The following KCTD15 variants were observed in gnomAD, a reference collection of about 807,000 sequenced individuals.
The protein encoded by KCTD15 is BTB/POZ domain-containing protein KCTD15.
In KCTD15, 11 loss-of-function variants were observed where a neutral mutation model predicts 27.2. That is an observed-to-expected ratio of 0.41 (90% CI 0.25 to 0.67). The LOEUF (loss-of-function observed/expected upper bound fraction) is 0.67, where lower values mean the gene tolerates loss of function less well. Ranked by LOEUF, KCTD15 falls within the 30% of genes least tolerant of loss-of-function variation. KCTD15 has a pLI of 0.35. For synonymous variants in KCTD15, 163 were observed against 176.0 expected, an observed-to-expected ratio of 0.93 and a Z score of 0.58; for missense variants, 350 against 409.3, an observed-to-expected ratio of 0.86 and a Z score of 1.25.
chr19:33,798,794 A>G (rs912628634), intron 2 of KCTD15, 28 bp downstream of exon 2: 1 of 152,616 alleles, frequency 6.6e-6, no homozygotes, highest in Non-Finnish European at 1.5e-5. Context: ...CATGAACATC[A>G]GGTTGTTCTT....
intron 5 of KCTD15, among the ~76,000 whole-genome samples, chr19:33,807,715 G>A (rs8104394): frequency 0.16 from 23,992 of 151,932 alleles, 2,066 homozygotes; most frequent in African/African-American, 0.22. Context: ...GCAAGACTCC[G>A]TCTCAAAAAA....
intron 5 of KCTD15, among the ~76,000 whole-genome samples, chr19:33,808,889 CT>C (rs750728069): frequency 1.3e-5 from 2 of 152,132 alleles, no homozygotes; most frequent in Non-Finnish European, 2.9e-5. Context: ...CATCCCAGCA[CT>C]TTGGGAGGCC....
At chr19:33,811,760 G>C (rs759493719) in intron 6 of KCTD15, 1 of 1,574,622 alleles carries the variant, frequency 6.4e-7, no homozygotes, top group Non-Finnish European at 8.7e-7. Flanking sequence ...TAAAAAAATC[G>C]ATCTGTACTT....
chr19:33,806,408 G>A (rs1478304705), intron 4 of KCTD15, among the ~76,000 whole-genome samples: 1 of 152,324 alleles, frequency 6.6e-6, no homozygotes, highest in South Asian at 2.1e-4. Flanking sequence ...TGGGGAGGAT[G>A]TATGTCCTGG....
At position 33,815,210 on chromosome 19, in the gene KCTD15, A is replaced by G. The variant is rs928321017; in HGVS notation, c.*2262A>G. The G allele has an allele frequency of 1.3e-5, 2 of 152,162 alleles. No individual in the cohort carries two copies. The highest frequency in any genetic ancestry group is 4.8e-5 in the African/African-American group (2 of 41,426). The allele number at this position is 152,162 out of a possible 1,614,324, so 9.4% of individuals were successfully genotyped here. ...ATAAAATTTATTAATAAAGAAGGGG[A>G]AAAAGGAGTAACTCTACCTGACTAA... is the stretch of plus-strand genomic sequence containing the variant. On this transcript the variant is annotated 3_prime_UTR_variant, in exon 7 of 7. Coordinates refer to ENST00000683859, the MANE Select transcript of KCTD15 (RefSeq NM_001129994.2).
intron 2 of KCTD15, chr19:33,799,642 G>A (rs1975464267): frequency 6.6e-6 from 1 of 152,324 alleles, no homozygotes; most frequent in Non-Finnish European, 1.5e-5. Context: ...GGGAGGAGCA[G>A]TAGAAAGGGT....
At chr19:33,804,388 G>C (rs868118908) in intron 4 of KCTD15, among the ~76,000 whole-genome samples, 2 of 152,198 alleles carry the variant, frequency 1.3e-5, no homozygotes, top group South Asian at 4.1e-4. Flanking sequence ...TAGACCAACA[G>C]GACCAGCTAG....
At chr19:33,797,491 T>C in intron 1 of KCTD15, 5 of 408,168 alleles carry the variant, frequency 1.2e-5, no homozygotes, top group South Asian at 8.4e-5. Context: ...ACCCCACGAG[T>C]CCGAAACCTG....
chr19:33,794,237 C>T (rs943667743), upstream of KCTD15, among the ~76,000 whole-genome samples: 1 of 152,114 alleles, frequency 6.6e-6, no homozygotes, highest in Non-Finnish European at 1.5e-5. Flanking sequence ...AATCTCATGG[C>T]CTTGAGGCAA....
intron 5 of KCTD15, 68 bp from the exon 6 acceptor site, chr19:33,811,179 C>A (rs1044202042): frequency 2.5e-6 from 2 of 796,676 alleles, no homozygotes; most frequent in Non-Finnish European, 1.9e-6. Context: ...AGGCCGCCTC[C>A]CCTCTCCCCC....
At chr19:33,802,289 T>C (rs1975583777) in intron 4 of KCTD15, among the ~76,000 whole-genome samples, 1 of 152,208 alleles carries the variant, frequency 6.6e-6, no homozygotes, top group Non-Finnish European at 1.5e-5. Context: ...ATCACCCCTG[T>C]GTTATGCATT....
chr19:33,814,197 C>T lies in KCTD15; in HGVS notation c.*1249C>T, dbSNP rs1454578580. ...TACAATTGTCGTGCATTTGTGTGAA[C>T]ACATTGCGTTCCCAGTCCATGCCAT... is the stretch of plus-strand genomic sequence containing the variant. On this transcript the variant is annotated 3_prime_UTR_variant, in exon 7 of 7. Transcript: ENST00000683859. The T allele has an allele frequency of 6.6e-6, 1 of 152,646 alleles. No homozygotes were observed. Among genetic ancestry groups the T allele is most frequent in the Non-Finnish European group, 1.5e-5 (1 of 68,048 alleles). 9.5% of individuals were successfully genotyped at this position (152,646 alleles called of 1,614,324 possible).
chr19:33,800,489 C>T lies in KCTD15; in HGVS notation c.35C>T (p.Ser12Leu), dbSNP rs774560706. 20 of 1,604,920 alleles carry T rather than the reference C, an allele frequency of 1.2e-5. No individual in the cohort carries two copies. In the South Asian group the frequency reaches 1.4e-4, roughly 11 times the overall value. Residue 12 changes from serine to leucine, a missense_variant, in exon 3 of 7, where the codon TCG becomes TTG. This residue lies in a region of KCTD15 where 77 missense variants were observed against 72.7 expected (regional missense o/e 1.06). Coordinates refer to ENST00000683859, the MANE Select transcript of KCTD15 (RefSeq NM_001129994.2). ...CGCAAGGAGCGGCCGAGCGGGTCCT[C>T]GCTTCACACACACGGCAGCACCGGC... ...PHRKERPSGSSLHTHGSTGTA... is the reference protein window; with the variant it reads ...PHRKERPSGSLLHTHGSTGTA...
At chr19:33,809,201 C>T (rs1233204030) in intron 5 of KCTD15, among the ~76,000 whole-genome samples, 1 of 151,922 alleles carries the variant, frequency 6.6e-6, no homozygotes, top group Non-Finnish European at 1.5e-5. Flanking sequence ...TGCTTGAACC[C>T]AGGAGGTGGA....
chr19:33,797,369 C>T (rs1254898268), intron 1 of KCTD15: 5 of 454,316 alleles, frequency 1.1e-5, no homozygotes, highest in South Asian at 1.6e-5. Flanking sequence ...GGCGAGTTTC[C>T]GGGGTCAGAA....
At position 33,813,010 on chromosome 19, in the gene KCTD15, G is replaced by C. The variant is rs1301621538; in HGVS notation, c.*62G>C. The C allele has an allele frequency of 2.0e-6, 3 of 1,481,524 alleles. No individual in the cohort carries two copies. Among genetic ancestry groups the C allele is most frequent in the Non-Finnish European group, 2.7e-6 (3 of 1,098,962 alleles). 91.8% of individuals were successfully genotyped at this position (1,481,524 alleles called of 1,614,324 possible). On this transcript the variant is annotated 3_prime_UTR_variant, in exon 7 of 7. Coordinates refer to ENST00000683859, the MANE Select transcript of KCTD15 (RefSeq NM_001129994.2). ...CCTGGAAACAGTGCTGGGGAGTTCT[G>C]CCTGTGTATACTTGGCCGTGGGCAT...
In KCTD15 at chr19:33,806,993, C is replaced by A; in HGVS notation, c.373C>A (p.Pro125Thr). The change falls in exon 5 of 7, where the codon CCG becomes ACG. Residue 125 changes from proline to threonine, a missense_variant. Around this residue, in one of 3 missense-constraint regions of KCTD15, gnomAD observed 219 missense variants for 234.9 expected, o/e 0.93. Coordinates refer to ENST00000683859, the MANE Select transcript of KCTD15 (RefSeq NM_001129994.2). ...SFLRTSKLLL[P>T]DDFKDFSLLY... The stretch of plus-strand genomic sequence containing the variant: ...CCTGCGGACGTCCAAGCTGCTGCTT[C>A]CGGATGACTTTAAGGTAAGTCCATG... 1.9e-6 allele frequency: 3 copies of A among 1,614,084 alleles called. No homozygotes were observed. The highest frequency in any genetic ancestry group is 2.5e-6 in the Non-Finnish European group (3 of 1,180,010).
At chr19:33,805,462 TGGAGTGGACAGA>T (rs2145462916) in intron 4 of KCTD15, among the ~76,000 whole-genome samples, 1 of 152,216 alleles carries the variant, frequency 6.6e-6, no homozygotes, top group African/African-American at 2.4e-5. Flanking sequence ...ACGGCTGACT[TGGAGTGGACAGA>T]GGAGTGGGCT....
At position 33,800,535 on chromosome 19, in the gene KCTD15, T is replaced by G; in HGVS notation, c.66+15T>G. On this transcript the variant is annotated intron_variant, in intron 3 of 6. Coordinates refer to ENST00000683859, the MANE Select transcript of KCTD15 (RefSeq NM_001129994.2). ...CCGGCACCGCGGTGAGCCTGCAGGG[T>G]GGGCTGGGTCCCTGCCGGGAGTTCC... The G allele has an allele frequency of 1.9e-6, 3 of 1,579,322 alleles. No homozygotes were observed. Among genetic ancestry groups the G allele is most frequent in the Non-Finnish European group, 2.6e-6 (3 of 1,162,648 alleles).
Sources: gnomAD v4.1 joint callset for allele counts (sites outside exome capture counted in the v4.1 genomes callset) on GRCh38, gnomAD v4.1.1 for gene constraint, gnomAD v4.1.1 regional missense constraint, MANE v1.5 for transcripts, NCBI Gene and HGNC (gene_info 2026-07-23, HGNC 2026-07-21) for gene names.